TCF7L2: variants seen among roughly 807,000 people sequenced by gnomAD.
TCF7L2 encodes the protein transcription factor 7-like 2.
A neutral mutation model predicts 77.9 loss-of-function variants in TCF7L2; 23 were observed. The ratio of observed to expected loss-of-function variants is 0.30; its 90% CI spans 0.21 to 0.42. The LOEUF (loss-of-function observed/expected upper bound fraction) is 0.42. Ranked by LOEUF, TCF7L2 falls within the 10% of genes least tolerant of loss-of-function variation. TCF7L2 has a pLI of 1.00. For synonymous variants in TCF7L2, 413 were observed against 340.2 expected, an observed-to-expected ratio of 1.21 and a Z score of -2.36; for missense variants, 654 against 793.1, an observed-to-expected ratio of 0.82 and a Z score of 2.11.
chr10:113,028,579 G>A (rs146703142), intron 4 of TCF7L2, among the ~76,000 whole-genome samples: 112 of 152,308 alleles, frequency 7.4e-4, no homozygotes, highest in African/African-American at 2.5e-3. Context: ...AGCACGGGGT[G>A]CGGTTTCAGT....
chr10:113,076,135 C>CAAAAAAAAAAAAAAAAAAA (rs34089010), intron 5 of TCF7L2, among the ~76,000 whole-genome samples: 1 of 65,984 alleles, frequency 1.5e-5, no homozygotes, highest in Admixed American at 2.0e-4. Context: ...GACTCCATCT[C>CAAAAAAAAAAAAAAAAAAA]AAAAAAAAAA....
intron 4 of TCF7L2, among the ~76,000 whole-genome samples, chr10:113,035,234 G>A (rs1181596493): frequency 6.6e-6 from 1 of 152,140 alleles, no homozygotes; most frequent in Non-Finnish European, 1.5e-5. Flanking sequence ...AATCCGAAAC[G>A]TTGCTATTAG....
intron 4 of TCF7L2, among the ~76,000 whole-genome samples, chr10:112,991,439 C>T (rs779059866): frequency 3.3e-5 from 5 of 151,072 alleles, no homozygotes; most frequent in Admixed American, 6.6e-5. Context: ...ACCCGGGAGG[C>T]GGAGCTTGCA....
At chr10:113,001,092 AGC>A (rs1270187731) in intron 4 of TCF7L2, among the ~76,000 whole-genome samples, 2 of 152,158 alleles carry the variant, frequency 1.3e-5, no homozygotes, top group African/African-American at 4.8e-5. Flanking sequence ...TCGTGCAGTG[AGC>A]GTGTCTTCCT....
At chr10:113,008,278 G>A (rs2045912369) in intron 4 of TCF7L2, among the ~76,000 whole-genome samples, 1 of 152,132 alleles carries the variant, frequency 6.6e-6, no homozygotes, top group Non-Finnish European at 1.5e-5. Context: ...ACCTGCGTTG[G>A]GTACCTTTTT....
chr10:113,059,266 A>G lies in TCF7L2; in HGVS notation c.552+19140A>G, dbSNP rs1350355564. On this transcript the variant is annotated intron_variant, in intron 5 of 13. Coordinates refer to ENST00000627217, the MANE Select transcript of TCF7L2 (RefSeq NM_001146274.2). ...CACCGTAGGTACCGGCTTGCATATC[A>G]TTTCAGAGGAATATTTTCAAAACTC... Among the ~76,000 whole-genome samples the G allele has an allele frequency of 3.3e-5, 5 of 152,136 alleles. No individual in the cohort carries two copies. The South Asian group carries it at 6.2e-4, about 19-fold the overall frequency.
intron 4 of TCF7L2, among the ~76,000 whole-genome samples, chr10:113,014,268 C>T (rs546966295): frequency 2.0e-5 from 3 of 152,324 alleles, no homozygotes; most frequent in South Asian, 2.1e-4. Context: ...TATAAAGCCC[C>T]CTACCCTGGG....
At chr10:113,061,781 A>G (rs2056485166) in intron 5 of TCF7L2, among the ~76,000 whole-genome samples, 1 of 152,176 alleles carries the variant, frequency 6.6e-6, no homozygotes, top group African/African-American at 2.4e-5. Flanking sequence ...GGGAATTCCC[A>G]GTTTGTTCGC....
intron 3 of TCF7L2, among the ~76,000 whole-genome samples, chr10:112,960,645 G>T (rs2034825400): frequency 6.6e-6 from 1 of 152,010 alleles, no homozygotes; most frequent in Admixed American, 6.5e-5. Flanking sequence ...AGCACTCCTG[G>T]TGACTGGTGC....
At chr10:112,997,699 G>A (rs114536611) in intron 4 of TCF7L2, among the ~76,000 whole-genome samples, 2,941 of 152,246 alleles carry the variant, frequency 0.019, 109 homozygotes, top group African/African-American at 0.066. Context: ...AGCGATATTC[G>A]TCCTGCCTTC....
chr10:112,952,118 A>G (rs140632597), intron 3 of TCF7L2, among the ~76,000 whole-genome samples: 16 of 152,114 alleles, frequency 1.1e-4, no homozygotes, highest in African/African-American at 3.6e-4. Flanking sequence ...GCTGCGCCCG[A>G]TGCGCGGGGT....
chr10:113,071,554 A>G (rs775046162), intron 5 of TCF7L2, among the ~76,000 whole-genome samples: 1 of 152,174 alleles, frequency 6.6e-6, no homozygotes, highest in East Asian at 1.9e-4. Flanking sequence ...TCTCTCCCCA[A>G]GTTCACACTC....
At chr10:113,150,908 GTT>G in intron 8 of TCF7L2, 88 bp from the exon 9 acceptor site, 1 of 1,307,782 alleles carries the variant, frequency 7.6e-7, no homozygotes, top group Non-Finnish European at 1.0e-6. Flanking sequence ...GTTACGTGCT[GTT>G]TTTTTTTTTC....
intron 3 of TCF7L2, among the ~76,000 whole-genome samples, chr10:112,954,455 A>G (rs1354178978): frequency 1.3e-5 from 2 of 152,238 alleles, no homozygotes; most frequent in East Asian, 1.9e-4. Context: ...TGAAGACACC[A>G]TAAAGCTTGA....
intron 13 of TCF7L2, among the ~76,000 whole-genome samples, chr10:113,164,175 T>TA (rs2073670046): frequency 2.0e-5 from 3 of 152,190 alleles, no homozygotes; most frequent in South Asian, 2.1e-4. Flanking sequence ...CCTTACCAAA[T>TA]ACCATCCCAT....
intron 5 of TCF7L2, among the ~76,000 whole-genome samples, chr10:113,111,575 T>C (rs981500731): frequency 1.3e-5 from 2 of 152,186 alleles, no homozygotes; most frequent in African/African-American, 2.4e-5. Flanking sequence ...GAGGATCACT[T>C]GAGCCCAGGA....
Position 112,950,748 on chromosome 10 carries a change from G to GAA in TCF7L2, c.-1_1dup, listed in dbSNP as rs373426839. 2.6e-6 allele frequency: 4 copies of GAA among 1,534,070 alleles called. No individual in the cohort carries two copies. The African/African-American group carries it at 5.6e-5, about 21-fold the overall frequency. On this transcript the variant is annotated 5_prime_UTR_variant, in exon 1 of 14. Coordinates refer to ENST00000627217, the MANE Select transcript of TCF7L2 (RefSeq NM_001146274.2). ...TCTTCCAAAATTGCTGCTGGTGGGT[G>GAA]AAAAAAAAATGCCGCAGCTGAACGG... is the stretch of plus-strand genomic sequence containing the variant.
intron 5 of TCF7L2, among the ~76,000 whole-genome samples, chr10:113,115,758 AGC>A (rs1401431244): frequency 6.6e-6 from 1 of 152,134 alleles, no homozygotes; most frequent in African/African-American, 2.4e-5. Context: ...TTTCAAGGAC[AGC>A]GCGCGGTTTT....
intron 13 of TCF7L2, 132 bp from the exon 15 acceptor site, chr10:113,165,423 C>A: frequency 9.8e-7 from 1 of 1,015,610 alleles, no homozygotes; most frequent in Non-Finnish European, 1.5e-6. Flanking sequence ...TGTAATTGTC[C>A]TCGGACCACT....
Sources: gnomAD v4.1 joint callset for allele counts (sites outside exome capture counted in the v4.1 genomes callset) on GRCh38, gnomAD v4.1.1 for gene constraint, MANE v1.5 for transcripts, NCBI Gene and HGNC (gene_info 2026-07-23, HGNC 2026-07-21) for gene names.